The following CCDC60 variants were observed in gnomAD, a reference collection of about 807,000 sequenced individuals.
CCDC60 encodes coiled-coil domain containing 60.
CCDC60 carries 54 observed loss-of-function variants against 63.5 expected under a neutral mutation model. The ratio of observed to expected loss-of-function variants is 0.85; its 90% CI spans 0.68 to 1.07. CCDC60 has a LOEUF of 1.07. Ranked by LOEUF, CCDC60 falls within the 50% of genes least tolerant of loss-of-function variation. The pLI, the probability that CCDC60 is intolerant of heterozygous loss-of-function variation, is 0.00. For synonymous variants in CCDC60, 206 were observed against 238.8 expected (o/e 0.86, Z 1.27); for missense variants, 651 against 684.3 (o/e 0.95, Z 0.54).
chr12:119,535,370 T>C (rs1566069106), intron 13 of CCDC60, among the ~76,000 whole-genome samples: 1 of 152,218 alleles, frequency 6.6e-6, no homozygotes, highest in Non-Finnish European at 1.5e-5. Context: ...AACCAGCTCC[T>C]GGATTCATTG....
At chr12:119,437,157 T>C (rs1394693440) in intron 2 of CCDC60, among the ~76,000 whole-genome samples, 3 of 152,194 alleles carry the variant, frequency 2.0e-5, no homozygotes, top group African/African-American at 7.2e-5. Context: ...TTAATCATGG[T>C]CACTTTGAGA....
intron 4 of CCDC60, among the ~76,000 whole-genome samples, chr12:119,488,312 GTTTA>G (rs1257465355): frequency 6.6e-6 from 1 of 152,114 alleles, no homozygotes; most frequent in African/African-American, 2.4e-5. Flanking sequence ...CACACTCTTA[GTTTA>G]TTTATTGTAC....
At position 119,462,315 on chromosome 12, in the gene CCDC60, A is replaced by G. The variant is rs576010814; in HGVS notation, c.171-9679A>G. The stretch of plus-strand genomic sequence containing the variant: ...TTTGCAGCACCAGGAACAGCCCAGC[A>G]TCTCCTAAACAGCTTTTTAAAAATC... On this transcript the variant is annotated intron_variant, in intron 2 of 13. Transcript: ENST00000327554. Among the ~76,000 whole-genome samples the G allele has an allele frequency of 2.6e-5, 4 of 152,290 alleles. No individual in the cohort carries two copies. In the South Asian group the frequency reaches 8.3e-4, roughly 32 times the overall value.
intron 1 of CCDC60, among the ~76,000 whole-genome samples, chr12:119,389,213 T>C (rs1956112721): frequency 6.6e-6 from 1 of 152,206 alleles, no homozygotes; most frequent in South Asian, 2.1e-4. Flanking sequence ...TTGCCTTGCC[T>C]TCAGATGCAA....
In CCDC60 at chr12:119,381,457, C is replaced by T. The variant is rs1956007074; in HGVS notation, c.90+46191C>T. 2.0e-5 allele frequency among the ~76,000 whole-genome samples: 3 copies of T among 152,252 alleles called. No individual in the cohort carries two copies. The South Asian group carries it at 6.2e-4, about 32-fold the overall frequency. On this transcript the variant is annotated intron_variant, in intron 1 of 13. Transcript: ENST00000327554. ...GTCTGTGGTTGCCAAGCAAACGTGG[C>T]AGGATAATTTGTTTCTGTGCCTTAA...
rs781047106 is a variant in CCDC60 at position 119,488,808 on chromosome 12, C to A, written c.499C>A (p.Leu167Met). The A allele has an allele frequency of 1.2e-6, 2 of 1,614,190 alleles. No individual in the cohort carries two copies. Among genetic ancestry groups the A allele is most frequent in the South Asian group, 2.2e-5 (2 of 91,078 alleles). The change falls in exon 5 of 14, where the codon CTG becomes ATG. Residue 167 changes from leucine to methionine, a missense_variant. By Grantham distance (15) the Leu-to-Met change is conservative. Coordinates refer to ENST00000327554, the MANE Select transcript of CCDC60 (RefSeq NM_178499.5). Reference sequence around the variant, plus strand: ...TGCTCTCCACTGGCTTCTGGAGGCCCTGACTATTGACCACACCCACCACAC... The same window carrying A: ...TGCTCTCCACTGGCTTCTGGAGGCCATGACTATTGACCACACCCACCACAC... Reference protein sequence around the residue: ...LCALHWLLEALTIDHTHHTMK... With the variant: ...LCALHWLLEAMTIDHTHHTMK...
intron 1 of CCDC60, among the ~76,000 whole-genome samples, chr12:119,353,459 A>C (rs200062799): frequency 5.3e-4 from 72 of 136,558 alleles, no homozygotes; most frequent in African/African-American, 1.7e-3. Context: ...TCTCTCTCTC[A>C]CTCTCTGTCC....
intron 6 of CCDC60, 82 bp from the exon 7 acceptor site, chr12:119,504,987 C>A (rs1951951721): frequency 1.9e-6 from 2 of 1,064,964 alleles, no homozygotes; most frequent in African/African-American, 3.2e-5. Flanking sequence ...CCCTCCCCAC[C>A]TTCCTCCTTC....
chr12:119,460,651 G>A (rs762401372), intron 2 of CCDC60, among the ~76,000 whole-genome samples: 72 of 152,284 alleles, frequency 4.7e-4, no homozygotes, highest in Non-Finnish European at 7.4e-4. Context: ...TGGGTCCGTT[G>A]TGGATTTTGT....
chr12:119,392,675 AT>A (rs1323581393), intron 1 of CCDC60, among the ~76,000 whole-genome samples: 2 of 152,234 alleles, frequency 1.3e-5, no homozygotes, highest in Admixed American at 6.5e-5. Flanking sequence ...GGATGAATGA[AT>A]CAATCAATCA....
In CCDC60 at chr12:119,540,479, T is replaced by C; in HGVS notation, c.1552-135T>C. 3 of 684,016 alleles carry C rather than the reference T, an allele frequency of 4.4e-6. No homozygotes were observed. The South Asian group carries it at 5.1e-5, about 12-fold the overall frequency. The allele number at this position is 684,016 out of a possible 1,614,324, so 42.4% of individuals were successfully genotyped here. On this transcript the variant is annotated intron_variant, in intron 13 of 13. Transcript: ENST00000327554. ...ACCACCCCAATCTGATGCTCCAAGA[T>C]TATGAATGCCCAAATGGTATTCCTG... is the stretch of plus-strand genomic sequence containing the variant.
At chr12:119,517,713 C>G (rs1952390968) in intron 8 of CCDC60, among the ~76,000 whole-genome samples, 1 of 152,156 alleles carries the variant, frequency 6.6e-6, no homozygotes, top group African/African-American at 2.4e-5. Flanking sequence ...GGATGAAACT[C>G]AAGGATTCTG....
chr12:119,365,056 T>G (rs1428708205), intron 1 of CCDC60, among the ~76,000 whole-genome samples: 1 of 152,192 alleles, frequency 6.6e-6, no homozygotes, highest in Non-Finnish European at 1.5e-5. Flanking sequence ...AAAATATTGT[T>G]CCATTTAATC....
At chr12:119,518,354 C>T (rs1952409540) in intron 8 of CCDC60, among the ~76,000 whole-genome samples, 1 of 152,164 alleles carries the variant, frequency 6.6e-6, no homozygotes, top group South Asian at 2.1e-4. Flanking sequence ...TCTAGCCTTT[C>T]TCTAAACCTC....
At chr12:119,398,106 G>T (rs1475237887) in intron 1 of CCDC60, among the ~76,000 whole-genome samples, 8 of 130,492 alleles carry the variant, frequency 6.1e-5, no homozygotes, top group Admixed American at 6.0e-4. Context: ...GGGGCGGTGT[G>T]GGGGGAGGAA....
At chr12:119,415,929 G>A (rs1226265634) in intron 1 of CCDC60, among the ~76,000 whole-genome samples, 1 of 152,164 alleles carries the variant, frequency 6.6e-6, no homozygotes, top group Admixed American at 6.5e-5. Context: ...CCCTGGATTA[G>A]ATAAGGGGAG....
At chr12:119,503,012 TAAC>T (rs1273389352) in intron 6 of CCDC60, among the ~76,000 whole-genome samples, 8 of 151,724 alleles carry the variant, frequency 5.3e-5, no homozygotes, top group South Asian at 2.1e-4. Flanking sequence ...CTACCAAAAA[TAAC>T]AACAACAACA....
chr12:119,504,365 C>T (rs1242720929), intron 6 of CCDC60, among the ~76,000 whole-genome samples: 1 of 152,086 alleles, frequency 6.6e-6, no homozygotes, highest in Non-Finnish European at 1.5e-5. Flanking sequence ...TGTACTCTTT[C>T]TTACTCCTTT....
chr12:119,369,507 A>G (rs1955876931), intron 1 of CCDC60, among the ~76,000 whole-genome samples: 1 of 152,204 alleles, frequency 6.6e-6, no homozygotes, highest in Admixed American at 6.5e-5. Context: ...CTTGAAAGCT[A>G]ATGTAAGCTC....
Sources: allele counts gnomAD v4.1 joint callset (sites outside exome capture counted in the v4.1 genomes callset), GRCh38; gene constraint gnomAD v4.1.1; transcripts MANE v1.5; gene names NCBI Gene and HGNC (gene_info 2026-07-23, HGNC 2026-07-21).